MNAT1: variants seen among roughly 807,000 people sequenced by gnomAD.
The protein encoded by MNAT1 is CDK-activating kinase assembly factor MAT1.
A neutral mutation model predicts 42.0 loss-of-function variants in MNAT1; 43 were observed. That is an observed-to-expected ratio of 1.02 (90% CI 0.80 to 1.32). MNAT1 has a LOEUF of 1.32. MNAT1 is among the 40% of genes most tolerant of loss of function. The pLI, the probability that MNAT1 is intolerant of heterozygous loss-of-function variation, is 0.00. For missense variants in MNAT1, 306 were observed against 350.4 expected (o/e 0.87, Z 1.01); for synonymous variants, 118 against 120.0 (o/e 0.98, Z 0.11).
chr14:60,749,533 C>A (rs907703385), intron 1 of MNAT1, among the ~76,000 whole-genome samples: 3 of 152,040 alleles, frequency 2.0e-5, no homozygotes, highest in Admixed American at 6.5e-5. Context: ...ATTACTGATT[C>A]TTATTAAAAC....
At chr14:60,888,317 C>T (rs1167972576) in intron 7 of MNAT1, among the ~76,000 whole-genome samples, 1 of 152,080 alleles carries the variant, frequency 6.6e-6, no homozygotes, top group Admixed American at 6.5e-5. Flanking sequence ...TAATCATAAT[C>T]CAGCATATTA....
At chr14:60,887,867 C>G (rs1201737816) in intron 7 of MNAT1, among the ~76,000 whole-genome samples, 6 of 151,578 alleles carry the variant, frequency 4.0e-5, no homozygotes, top group Admixed American at 2.0e-4. Flanking sequence ...ATAAATTCCT[C>G]GACACACACA....
At chr14:60,898,128 TGTGTGTGTGTGTGC>T (rs879642976) in intron 7 of MNAT1, among the ~76,000 whole-genome samples, 1,163 of 96,422 alleles carry the variant, frequency 0.012, 7 homozygotes, top group African/African-American at 0.023. Flanking sequence ...TGTGTGTGTG[TGTGTGTGTGTGTGC>T]GCGCGCCACA....
intron 5 of MNAT1, among the ~76,000 whole-genome samples, 197 bp from the exon 6 acceptor site, chr14:60,818,525 G>A (rs975878776): frequency 6.6e-6 from 1 of 151,858 alleles, no homozygotes; most frequent in African/African-American, 2.4e-5. Flanking sequence ...CTTGTTTGCA[G>A]GTTATTTTGA....
chr14:60,965,348 G>A (rs1170389567), intron 7 of MNAT1, among the ~76,000 whole-genome samples: 1 of 152,160 alleles, frequency 6.6e-6, no homozygotes, highest in Non-Finnish European at 1.5e-5. Context: ...GCATCAAGGA[G>A]TATGACTGTT....
intron 3 of MNAT1, among the ~76,000 whole-genome samples, chr14:60,798,678 T>G (rs981621844): frequency 2.7e-4 from 41 of 152,188 alleles, no homozygotes; most frequent in Non-Finnish European, 3.2e-4. Context: ...CTTTTCTTTC[T>G]GATGTGTTTA....
intron 6 of MNAT1, among the ~76,000 whole-genome samples, chr14:60,835,436 G>A (rs965236387): frequency 2.6e-5 from 4 of 152,084 alleles, no homozygotes; most frequent in African/African-American, 9.7e-5. Flanking sequence ...GGCAGGTTTG[G>A]TGATGACAAA....
At chr14:60,836,881 G>A (rs956538007) in intron 6 of MNAT1, among the ~76,000 whole-genome samples, 1 of 152,210 alleles carries the variant, frequency 6.6e-6, no homozygotes, top group African/African-American at 2.4e-5. Context: ...GGAGATGGGA[G>A]TTTTACCTAT....
rs558477537 is a variant in MNAT1, at chr14:60,905,611, A to C, written c.809+25776A>C. On this transcript the variant is annotated intron_variant, in intron 7 of 7. Transcript: ENST00000261245. ...TAAGGGAGCCAGTGATGTGACTCTC[A>C]GTTTGAGGTTGAAGGCCTGAGAATG... Among the ~76,000 whole-genome samples the C allele has an allele frequency of 3.9e-5, 6 of 152,292 alleles. No individual in the cohort carries two copies. The South Asian group carries it at 1.2e-3, about 32-fold the overall frequency.
chr14:60,877,659 A>G (rs2034463808), intron 6 of MNAT1, among the ~76,000 whole-genome samples: 1 of 152,068 alleles, frequency 6.6e-6, no homozygotes. Context: ...AAGAAAAACA[A>G]GAGAACTAGG....
At chr14:60,958,632 G>GCC (rs1376373417) in intron 7 of MNAT1, among the ~76,000 whole-genome samples, 1 of 72,366 alleles carries the variant, frequency 1.4e-5, no homozygotes, top group Admixed American at 1.7e-4. Flanking sequence ...TCGAGACAAG[G>GCC]TCTTTTTTTT....
chr14:60,888,361 C>T (rs930533271), intron 7 of MNAT1, among the ~76,000 whole-genome samples: 15 of 152,018 alleles, frequency 9.9e-5, no homozygotes, highest in Admixed American at 2.0e-4. Context: ...ATGATTATCT[C>T]AATAGATGCA....
At chr14:60,749,471 G>C (rs574606257) in intron 1 of MNAT1, among the ~76,000 whole-genome samples, 1 of 152,166 alleles carries the variant, frequency 6.6e-6, no homozygotes, top group Admixed American at 6.5e-5. Context: ...ATGATTGCCT[G>C]GGTTGGAATC....
At chr14:60,810,397 G>T (rs1260617929) in intron 4 of MNAT1, among the ~76,000 whole-genome samples, 1 of 151,822 alleles carries the variant, frequency 6.6e-6, no homozygotes, top group Admixed American at 6.6e-5. Context: ...AGCTCAGTTT[G>T]TTATTAAATT....
chr14:60,946,834 A>G (rs2036285788), intron 7 of MNAT1, among the ~76,000 whole-genome samples: 2 of 152,238 alleles, frequency 1.3e-5, no homozygotes, highest in Admixed American at 6.5e-5. Flanking sequence ...TTCAACTGCT[A>G]TAACCAAATA....
chr14:60,902,195 C>A (rs2035085166), intron 7 of MNAT1, among the ~76,000 whole-genome samples: 1 of 152,080 alleles, frequency 6.6e-6, no homozygotes, highest in African/African-American at 2.4e-5. Flanking sequence ...AGCCGATGGC[C>A]CAGAGGATCA....
intron 6 of MNAT1, among the ~76,000 whole-genome samples, chr14:60,833,708 G>A (rs1234247895): frequency 2.0e-5 from 3 of 152,086 alleles, no homozygotes; most frequent in African/African-American, 2.4e-5. Context: ...TTAGGGAGGA[G>A]TGCCTTATTT....
At chr14:60,858,563 T>C (rs2034019095) in intron 6 of MNAT1, among the ~76,000 whole-genome samples, 1 of 152,142 alleles carries the variant, frequency 6.6e-6, no homozygotes, top group African/African-American at 2.4e-5. Context: ...GAGAATTGAC[T>C]CCAATTTTGA....
chr14:60,776,611 GA>G (rs2140310922), intron 1 of MNAT1, among the ~76,000 whole-genome samples: 1 of 152,220 alleles, frequency 6.6e-6, no homozygotes, highest in African/African-American at 2.4e-5. Context: ...GGCCATAACT[GA>G]GGATAAAGAT....
Sources: gnomAD v4.1 joint callset for allele counts (sites outside exome capture counted in the v4.1 genomes callset) on GRCh38, gnomAD v4.1.1 for gene constraint, MANE v1.5 for transcripts, NCBI Gene and HGNC (gene_info 2026-07-23, HGNC 2026-07-21) for gene names.